The following XCR1 variants were observed in gnomAD, a reference collection of about 807,000 sequenced individuals.
XCR1 encodes chemokine XC receptor 1.
For missense variants in XCR1, 356 were observed against 424.2 expected (o/e 0.84, Z 1.41); for synonymous variants, 187 against 188.5 (o/e 0.99, Z 0.06).
In XCR1 at chr3:46,017,950, TG is replaced by T. The variant is rs1708074806; in HGVS notation, c.*2995del. 6.6e-6 allele frequency: 1 copy of T among 152,294 alleles called. No homozygotes were observed. Among genetic ancestry groups the T allele is most frequent in the South Asian group, 2.1e-4 (1 of 4,826 alleles). The allele number at this position is 152,294 out of a possible 1,614,324, so 9.4% of individuals were successfully genotyped here. ...GGTCAGGGACAGACAGCGTGGCTCA[TG>T]GTGTGCAACTCTCTGGAAACTCCTT... On this transcript the variant is annotated 3_prime_UTR_variant, in exon 2 of 2. Transcript: ENST00000309285.
At position 46,021,511 on chromosome 3, in the gene XCR1, CGGCA is replaced by C. The variant is rs764624609; in HGVS notation, c.433_436del (p.Cys145GlyfsTer4). ...CCACACAGCCATGGTCACCAGCACCCGGCAGCGGAGGGTGGGGACGCGCAGGGTG... is the reference window on the plus strand; with the variant it reads ...CCACACAGCCATGGTCACCAGCACCCGCGGAGGGTGGGGACGCGCAGGGTG... On this transcript the variant is annotated frameshift_variant, in exon 2 of 2. Transcript: ENST00000309285. LOFTEE classifies it low-confidence loss of function (END_TRUNC). This position sits in a 1 kb window ranked among gnomAD's most constrained non-coding sequence, Gnocchi z 4.7. 2 of 1,612,630 alleles carry C rather than the reference CGGCA, an allele frequency of 1.2e-6. No homozygotes were observed. The highest frequency in any genetic ancestry group is 1.7e-6 in the Non-Finnish European group (2 of 1,179,304).
intron 4 of XCR1, among the ~76,000 whole-genome samples, chr3:46,061,431 G>T (rs1697959176): frequency 6.6e-6 from 1 of 152,216 alleles, no homozygotes; most frequent in South Asian, 2.1e-4. Flanking sequence ...GGAGATGACA[G>T]GAGTGTCTGG....
chr3:46,058,668 C>A (rs1348208147), intron 4 of XCR1, among the ~76,000 whole-genome samples: 35 of 152,156 alleles, frequency 2.3e-4, no homozygotes, highest in Admixed American at 2.3e-3. Flanking sequence ...CCACCTCAGC[C>A]TCCTGAGTAG....
chr3:46,033,342 C>T (rs983784047), intron 5 of XCR1, among the ~76,000 whole-genome samples: 11 of 152,160 alleles, frequency 7.2e-5, no homozygotes, highest in African/African-American at 2.7e-4. Context: ...ATTTAAGATG[C>T]ATTTTGAGTT....
intron 5 of XCR1, among the ~76,000 whole-genome samples, chr3:46,035,276 A>G (rs898706434): frequency 6.6e-6 from 1 of 152,256 alleles, no homozygotes; most frequent in Non-Finnish European, 1.5e-5. Flanking sequence ...TTTCTTACAC[A>G]TTGTTACATT....
Position 46,018,040 on chromosome 3 carries a change from T to C in XCR1, c.*2906A>G, listed in dbSNP as rs1708076154. Reference sequence around the variant, plus strand: ...TACCCTTCTATCTTCCTATTCATACTTCTCTTTGTGCCTCTTCCCTTGGGT... The same window carrying C: ...TACCCTTCTATCTTCCTATTCATACCTCTCTTTGTGCCTCTTCCCTTGGGT... On this transcript the variant is annotated 3_prime_UTR_variant, in exon 2 of 2. Transcript: ENST00000309285. The C allele has an allele frequency of 6.6e-6, 1 of 152,306 alleles. No individual in the cohort carries two copies. The highest frequency in any genetic ancestry group is 2.1e-4 in the South Asian group (1 of 4,836). 9.4% of individuals were successfully genotyped at this position (152,306 alleles called of 1,614,324 possible).
Position 46,021,258 on chromosome 3 carries a change from G to A in XCR1, c.690C>T (p.Ile230=), listed in dbSNP as rs767670584. The change falls in exon 2 of 2, where the codon ATC becomes ATT. Residue 230 remains isoleucine (I), a synonymous_variant. Transcript: ENST00000309285. This position sits in a 1 kb window ranked among gnomAD's most constrained non-coding sequence, Gnocchi z 4.7. ...CCCAGCTGAGGAAGTAGGCCACCAC[G>A]ATGGCGAAGATGAGCTTGACCGTGC... ...RHRTVKLIFA[I]VVAYFLSWGP... is the part of the protein sequence containing the mutation. 12 of 1,614,216 alleles carry A rather than the reference G, an allele frequency of 7.4e-6. No individual in the cohort carries two copies. Among genetic ancestry groups the A allele is most frequent in the African/African-American group, 2.7e-5 (2 of 75,052 alleles).
chr3:46,046,193 C>T (rs1008653146), intron 5 of XCR1, among the ~76,000 whole-genome samples: 4 of 151,946 alleles, frequency 2.6e-5, no homozygotes, highest in South Asian at 2.1e-4. Context: ...ACAAAGGGGG[C>T]GAACGCAGGA....
chr3:46,031,933 A>G (rs1291466689), upstream of XCR1, among the ~76,000 whole-genome samples: 1 of 152,008 alleles, frequency 6.6e-6, no homozygotes, highest in African/African-American at 2.4e-5. Flanking sequence ...GGAGCTTCCC[A>G]CTCCAGCATC....
At chr3:46,043,380 G>T (rs1697569004) in intron 5 of XCR1, among the ~76,000 whole-genome samples, 1 of 152,084 alleles carries the variant, frequency 6.6e-6, no homozygotes, top group African/African-American at 2.4e-5. Flanking sequence ...GGCAGAGGTT[G>T]CAGTGAGCCG....
intron 3 of XCR1, among the ~76,000 whole-genome samples, chr3:46,073,731 A>G (rs558139090): frequency 1.3e-5 from 2 of 151,904 alleles, no homozygotes. Flanking sequence ...CTCAACAACA[A>G]CAAAATACAA....
At chr3:46,043,591 C>T (rs897859937) in intron 5 of XCR1, among the ~76,000 whole-genome samples, 1 of 151,340 alleles carries the variant, frequency 6.6e-6, no homozygotes. Flanking sequence ...AATAAGAATG[C>T]CTACTTACAG....
intron 5 of XCR1, among the ~76,000 whole-genome samples, chr3:46,042,946 A>G (rs1258910480): frequency 6.6e-6 from 1 of 152,224 alleles, no homozygotes; most frequent in Non-Finnish European, 1.5e-5. Context: ...GCTGAATTCA[A>G]CAACATATTA....
In XCR1 at chr3:46,083,049, A is replaced by T. The variant is rs73072249; in HGVS notation, c.-515+2745T>A. On this transcript the variant is annotated intron_variant, in intron 1 of 5. Coordinates refer to the XCR1 transcript ENST00000683768. ...CCTGTTAATCAGGTCTGCCTGACTC[A>T]TCCTAACCTGTTTGTCCTATGTTTC... Among the ~76,000 whole-genome samples, 963 of 152,346 alleles carry T rather than the reference A, an allele frequency of 6.3e-3. 6 individuals are homozygous for T. Among genetic ancestry groups the T allele is most frequent in the Middle Eastern group, 0.024 (7 of 294 alleles).
chr3:46,022,400 A>G (rs1708175466), intron 1 of XCR1: 1 of 160,726 alleles, frequency 6.2e-6, no homozygotes, highest in African/African-American at 2.4e-5. Context: ...GATTCTCTAC[A>G]GAGTGTATTT....
chr3:46,076,075 G>A (rs1698254934), intron 2 of XCR1, among the ~76,000 whole-genome samples: 1 of 152,220 alleles, frequency 6.6e-6, no homozygotes, highest in East Asian at 1.9e-4. Flanking sequence ...AGGATAGATA[G>A]TGCTGGCCTG....
chr3:46,071,026 A>T (rs1698155325), intron 3 of XCR1, among the ~76,000 whole-genome samples: 1 of 152,078 alleles, frequency 6.6e-6, no homozygotes, highest in Admixed American at 6.6e-5. Context: ...TCCTTTGAGC[A>T]TTTCTTGTAC....
chr3:46,031,171 C>T (rs1017228151), upstream of XCR1, among the ~76,000 whole-genome samples: 2 of 152,246 alleles, frequency 1.3e-5, no homozygotes, highest in Admixed American at 1.3e-4. Flanking sequence ...GTGACTTGGG[C>T]ACCCCTGTGC....
At chr3:46,052,179 G>A (rs1697759614) in intron 5 of XCR1, among the ~76,000 whole-genome samples, 1 of 152,182 alleles carries the variant, frequency 6.6e-6, no homozygotes, top group Non-Finnish European at 1.5e-5. Context: ...ATACCGGTGG[G>A]AACTTTGATG....
Sources: allele counts gnomAD v4.1 joint callset (sites outside exome capture counted in the v4.1 genomes callset), GRCh38; gene constraint gnomAD v4.1.1; non-coding constraint Gnocchi (gnomAD v3.1); transcripts MANE v1.5; gene names NCBI Gene and HGNC (gene_info 2026-07-23, HGNC 2026-07-21).